The following LIMCH1 variants were observed in gnomAD, a reference collection of about 807,000 sequenced individuals.
LIMCH1 encodes the protein LIM and calponin homology domains 1.
Under a neutral mutation model 176.5 loss-of-function variants are expected in LIMCH1, and 113 were observed. The observed-to-expected ratio is 0.64, with a 90% CI of 0.55 to 0.75. The LOEUF is 0.75. LIMCH1 is among the 30% of genes least tolerant of loss of function. LIMCH1 has a pLI of 0.00. For missense variants in LIMCH1, 1,674 were observed against 1,814.9 expected (o/e 0.92, Z 1.41); for synonymous variants, 619 against 645.9 (o/e 0.96, Z 0.63).
chr4:41,649,923 ATC>A (rs556302494), intron 17 of LIMCH1, among the ~76,000 whole-genome samples: 4 of 152,308 alleles, frequency 2.6e-5, no homozygotes, highest in East Asian at 1.9e-4. Flanking sequence ...CAAAAAAAGT[ATC>A]TGTTTCCCCT....
chr4:41,384,817 C>G (rs1487444386), intron 1 of LIMCH1, among the ~76,000 whole-genome samples: 1 of 152,016 alleles, frequency 6.6e-6, no homozygotes, highest in Non-Finnish European at 1.5e-5. Flanking sequence ...CAAATACTAC[C>G]AAGTATTACT....
chr4:41,549,736 T>G (rs2080117801), intron 1 of LIMCH1, among the ~76,000 whole-genome samples: 3 of 152,108 alleles, frequency 2.0e-5, no homozygotes, highest in African/African-American at 7.2e-5. Flanking sequence ...ATAAGCAAAG[T>G]ATAGTACATT....
chr4:41,646,307 A>G (rs2094053656), intron 16 of LIMCH1, 27 bp downstream of exon 16: 1 of 1,583,282 alleles, frequency 6.3e-7, no homozygotes. Flanking sequence ...GTCGTTTTTA[A>G]TGTACAATAT....
chr4:41,574,961 G>A (rs2084219049), intron 1 of LIMCH1, among the ~76,000 whole-genome samples: 1 of 152,086 alleles, frequency 6.6e-6, no homozygotes, highest in Admixed American at 6.5e-5. Flanking sequence ...AAAGAATAAT[G>A]TCTGTGAAAT....
intron 15 of LIMCH1, 41 bp from the exon 16 acceptor site, chr4:41,646,082 C>G (rs2094040617): frequency 6.4e-7 from 1 of 1,565,346 alleles, no homozygotes; most frequent in Non-Finnish European, 8.6e-7. Flanking sequence ...GAATTATGCA[C>G]AAGTCTGAAG....
intron 1 of LIMCH1, among the ~76,000 whole-genome samples, chr4:41,368,710 G>A (rs189304529): frequency 3.9e-5 from 6 of 152,084 alleles, no homozygotes; most frequent in Non-Finnish European, 8.8e-5. Context: ...AGGTAGATAT[G>A]TGTTGGTGGT....
At chr4:41,645,478 C>T (rs2094016955) in intron 15 of LIMCH1, among the ~76,000 whole-genome samples, 2 of 152,230 alleles carry the variant, frequency 1.3e-5, no homozygotes, top group South Asian at 4.2e-4. Context: ...GAAATGGAGG[C>T]ACAGGGAGAC....
chr4:41,648,409 A>G (rs1254541199), intron 17 of LIMCH1, among the ~76,000 whole-genome samples: 1 of 152,138 alleles, frequency 6.6e-6, no homozygotes, highest in Non-Finnish European at 1.5e-5. Context: ...GGCCTCAGGA[A>G]GCACTTCCAT....
intron 1 of LIMCH1, among the ~76,000 whole-genome samples, chr4:41,429,200 GT>G (rs765129128): frequency 5.9e-4 from 90 of 152,272 alleles, no homozygotes; most frequent in South Asian, 2.7e-3. Context: ...TAATGCGTAT[GT>G]TTTTGTTTTT....
chr4:41,529,546 G>A (rs1038221740), intron 3 of LIMCH1, among the ~76,000 whole-genome samples: 10 of 152,168 alleles, frequency 6.6e-5, no homozygotes, highest in Admixed American at 5.9e-4. Context: ...TTTTGCAGAT[G>A]AGGACATGTG....
At chr4:41,578,853 A>G (rs1181090869) in intron 1 of LIMCH1, among the ~76,000 whole-genome samples, 1 of 151,794 alleles carries the variant, frequency 6.6e-6, no homozygotes, top group East Asian at 1.9e-4. Context: ...AGGCATGCAA[A>G]CCCACACCTG....
intron 13 of LIMCH1, among the ~76,000 whole-genome samples, chr4:41,635,289 A>AG (rs1478200581): frequency 6.6e-6 from 1 of 151,116 alleles, no homozygotes; most frequent in East Asian, 1.9e-4. Flanking sequence ...ACTGGAGTGC[A>AG]GGGCCCGATC....
chr4:41,415,294 A>G (rs958716415), intron 1 of LIMCH1, among the ~76,000 whole-genome samples: 1 of 152,198 alleles, frequency 6.6e-6, no homozygotes, highest in Non-Finnish European at 1.5e-5. Context: ...GGAGAATGTC[A>G]GTAGTGTGTC....
chr4:41,404,875 T>C (rs2154119722), intron 1 of LIMCH1, among the ~76,000 whole-genome samples: 1 of 152,284 alleles, frequency 6.6e-6, no homozygotes, highest in South Asian at 2.1e-4. Context: ...TCTTCTTCAT[T>C]CTTTTGTTCC....
At chr4:41,423,903 A>C (rs1196120064) in intron 1 of LIMCH1, among the ~76,000 whole-genome samples, 1 of 152,070 alleles carries the variant, frequency 6.6e-6, no homozygotes, top group Non-Finnish European at 1.5e-5. Context: ...GAAGTAGCAT[A>C]GGGCATCTCA....
At chr4:41,585,222 C>G (rs189663819) in intron 1 of LIMCH1, among the ~76,000 whole-genome samples, 12 of 152,274 alleles carry the variant, frequency 7.9e-5, no homozygotes, top group South Asian at 2.1e-4. Flanking sequence ...TACCTCAGAC[C>G]CTGGTAACCT....
chr4:41,522,754 CTCAGACTTCAAT>C (rs2076246219), intron 2 of LIMCH1, among the ~76,000 whole-genome samples: 1 of 152,090 alleles, frequency 6.6e-6, no homozygotes, highest in South Asian at 2.1e-4. Flanking sequence ...GGGGAAGTCA[CTCAGACTTCAAT>C]TCAGACTTCA....
chr4:41,689,275 C>G (rs1047810673), intron 29 of LIMCH1, among the ~76,000 whole-genome samples: 2 of 152,136 alleles, frequency 1.3e-5, no homozygotes, highest in Non-Finnish European at 2.9e-5. Context: ...AACAAATAAC[C>G]TAATAACTTA....
intron 1 of LIMCH1, among the ~76,000 whole-genome samples, chr4:41,484,371 GAT>G (rs2154169233): frequency 6.6e-6 from 1 of 152,316 alleles, no homozygotes; most frequent in South Asian, 2.1e-4. Context: ...TCGATTGGTT[GAT>G]TTCTAATTAT....
Sources: gnomAD v4.1 joint callset for allele counts (sites outside exome capture counted in the v4.1 genomes callset) on GRCh38, gnomAD v4.1.1 for gene constraint, MANE v1.5 for transcripts, NCBI Gene and HGNC (gene_info 2026-07-23, HGNC 2026-07-21) for gene names.